The following ZNF514 variants were observed in gnomAD, a reference collection of about 807,000 sequenced individuals.
ZNF514 encodes the protein zinc finger protein 514.
In ZNF514, 12 loss-of-function variants were observed where a neutral mutation model predicts 9.7. The ratio of observed to expected loss-of-function variants is 1.24; its 90% CI spans 0.79 to 2.01. The LOEUF (loss-of-function observed/expected upper bound fraction) is 2.01. Among genes scored for constraint, ZNF514 ranks in the 30% most tolerant of loss-of-function variants. ZNF514 has a pLI of 0.00. For missense variants in ZNF514, 467 were observed against 465.5 expected (o/e 1.00, Z -0.03); for synonymous variants, 158 against 163.7 (o/e 0.97, Z 0.27).
intron 4 of ZNF514, 21 bp downstream of exon 4, chr2:95,152,653 T>C (rs1673574515): frequency 6.2e-7 from 1 of 1,607,424 alleles, no homozygotes; most frequent in South Asian, 1.1e-5. Flanking sequence ...TCATATGCAA[T>C]GCTTTCACTC....
the ZNF514 span, among the ~76,000 whole-genome samples, chr2:95,136,982 CAAAG>C: frequency 3.2e-4 from 49 of 152,218 alleles, no homozygotes; most frequent in African/African-American, 1.1e-3. Flanking sequence ...ACTCTAAAAA[CAAAG>C]AGTGTTTCCT....
chr2:95,153,064 C>T, intron 3 of ZNF514, 69 bp downstream of exon 3: 2 of 1,562,586 alleles, frequency 1.3e-6, no homozygotes, highest in Non-Finnish European at 1.7e-6. Context: ...AGCCCAGACA[C>T]CACTAGCTCT....
chr2:95,136,832 C>A, the ZNF514 span, among the ~76,000 whole-genome samples: 1 of 152,118 alleles, frequency 6.6e-6, no homozygotes, highest in Non-Finnish European at 1.5e-5. Flanking sequence ...AGAATATAGT[C>A]CCCTATCTGA....
Position 95,153,190 on chromosome 2 carries a change from G to A in ZNF514, c.64C>T (p.Gln22Ter), listed in dbSNP as rs200801401. Residue 22 changes from glutamine to a stop codon, truncating the protein, a stop_gained, in exon 3 of 5, where the codon CAG (glutamine) becomes TAG (stop). Coordinates refer to ENST00000295208, the MANE Select transcript of ZNF514 (RefSeq NM_032788.3). LOFTEE classifies it high-confidence loss of function. ...ATCACCTCCCTGTAGAGGTCCTTCTGAGCAGGGTTCAGCTGCCCCCACTCC... is the reference window on the plus strand; with the variant it reads ...ATCACCTCCCTGTAGAGGTCCTTCTAAGCAGGGTTCAGCTGCCCCCACTCC... ...QWEWGQLNPAQKDLYREVMLE... is the reference protein window; with the variant it reads ...QWEWGQLNPA The A allele has an allele frequency of 1.1e-5, 17 of 1,614,056 alleles. No individual in the cohort carries two copies. Among genetic ancestry groups the A allele is most frequent in the African/African-American group, 1.3e-5 (1 of 75,026 alleles).
At chr2:95,138,997 A>C in the ZNF514 span, among the ~76,000 whole-genome samples, 1 of 152,240 alleles carries the variant, frequency 6.6e-6, no homozygotes, top group Non-Finnish European at 1.5e-5. Flanking sequence ...GCTGGGGTTC[A>C]AAGGGGCTCA....
At chr2:95,138,505 T>G in the ZNF514 span, among the ~76,000 whole-genome samples, 7 of 152,192 alleles carry the variant, frequency 4.6e-5, no homozygotes, top group Non-Finnish European at 1.0e-4. Context: ...GCCCTAGGGA[T>G]CTGTGGAAGT....
At chr2:95,127,309 C>CA in the ZNF514 span, among the ~76,000 whole-genome samples, 11 of 152,202 alleles carry the variant, frequency 7.2e-5, no homozygotes, top group Admixed American at 7.2e-4. Flanking sequence ...TGATTCAAGT[C>CA]AGACTTCTGT....
chr2:95,143,871 T>G (rs114749066), downstream of ZNF514, among the ~76,000 whole-genome samples: 6 of 152,324 alleles, frequency 3.9e-5, no homozygotes, highest in Non-Finnish European at 5.9e-5. Flanking sequence ...CTTAGTTAAA[T>G]AAATTAAAGT....
At chr2:95,156,194 A>G (rs558387230) in intron 2 of ZNF514, among the ~76,000 whole-genome samples, 68 of 152,320 alleles carry the variant, frequency 4.5e-4, no homozygotes, top group Middle Eastern at 3.4e-3. Context: ...GTTAAATGTC[A>G]GTGTCTATCA....
At chr2:95,127,399 C>T in the ZNF514 span, among the ~76,000 whole-genome samples, 4 of 152,132 alleles carry the variant, frequency 2.6e-5, no homozygotes, top group African/African-American at 7.2e-5. Flanking sequence ...TTTCCAGAAA[C>T]ACCAAAGGTC....
chr2:95,128,486 G>A, the ZNF514 span, among the ~76,000 whole-genome samples: 1 of 152,040 alleles, frequency 6.6e-6, no homozygotes, highest in African/African-American at 2.4e-5. Context: ...AACCCAGGAG[G>A]CGGAGGTTGC....
chr2:95,149,412 G>A lies in ZNF514; in HGVS notation c.1073C>T (p.Ser358Phe), dbSNP rs781653941. 17 of 1,614,040 alleles carry A rather than the reference G, an allele frequency of 1.1e-5. No individual in the cohort carries two copies. The South Asian group carries it at 1.9e-4, about 18-fold the overall frequency. ...KCGRAFSQSSSLTQHYRFHTG... is the reference protein window; with the variant it reads ...KCGRAFSQSSFLTQHYRFHTG... Reference sequence around the variant, plus strand: ...GTGAAATCTGTAATGTTGAGTGAGAGATGAACTCTGGCTGAAGGCTCTCCC... The same window carrying A: ...GTGAAATCTGTAATGTTGAGTGAGAAATGAACTCTGGCTGAAGGCTCTCCC... Residue 358 changes from serine to phenylalanine, a missense_variant, in exon 5 of 5, where the codon TCT becomes TTT. Physicochemically the swap from Ser to Phe is radical, Grantham distance 155. Transcript: ENST00000295208.
chr2:95,128,458 A>G, the ZNF514 span, among the ~76,000 whole-genome samples: 3 of 151,106 alleles, frequency 2.0e-5, no homozygotes, highest in African/African-American at 7.3e-5. Context: ...TTGAGAGCTG[A>G]GGCAGGAGAA....
the ZNF514 span, among the ~76,000 whole-genome samples, chr2:95,135,275 G>A: frequency 2.0e-5 from 3 of 151,942 alleles, no homozygotes; most frequent in Non-Finnish European, 4.4e-5. Context: ...TTTCAACAGT[G>A]TCATGTAGCT....
chr2:95,141,536 G>C (rs1573370526), downstream of ZNF514, among the ~76,000 whole-genome samples: 1 of 151,998 alleles, frequency 6.6e-6, no homozygotes, highest in African/African-American at 2.4e-5. Flanking sequence ...GGAAAAATAG[G>C]GTAAAGGACT....
At chr2:95,134,527 T>C in the ZNF514 span, among the ~76,000 whole-genome samples, 1 of 152,302 alleles carries the variant, frequency 6.6e-6, no homozygotes, top group East Asian at 1.9e-4. Flanking sequence ...TGGTGGGTTT[T>C]AGTATATTCA....
At chr2:95,127,625 G>A in the ZNF514 span, among the ~76,000 whole-genome samples, 1 of 151,828 alleles carries the variant, frequency 6.6e-6, no homozygotes, top group Non-Finnish European at 1.5e-5. Context: ...TGTGTTTTGT[G>A]TTGTTTTTTG....
At chr2:95,129,463 G>A in the ZNF514 span, among the ~76,000 whole-genome samples, 6 of 152,072 alleles carry the variant, frequency 3.9e-5, no homozygotes, top group Admixed American at 2.0e-4. Context: ...GTGGTGTCTC[G>A]CTGGGAAAGG....
rs1424987715 is a variant in ZNF514, at chr2:95,157,348, C to T, written c.-7+3G>A. ...TTGAGGAAAAATTAAGAATACAACT[C>T]ACCCGAGGCCTGGCTTTCAGGAATG... On this transcript the variant is annotated splice_donor_region_variant and intron_variant, in intron 2 of 4. Transcript: ENST00000295208. 1 of 1,289,162 alleles carries T rather than the reference C, an allele frequency of 7.8e-7. No individual in the cohort carries two copies. The highest frequency in any genetic ancestry group is 1.5e-5 in the African/African-American group (1 of 65,952). 79.9% of individuals were successfully genotyped at this position (1,289,162 alleles called of 1,614,324 possible).
Sources: allele counts gnomAD v4.1 joint callset (sites outside exome capture counted in the v4.1 genomes callset), GRCh38; gene constraint gnomAD v4.1.1; transcripts MANE v1.5; gene names NCBI Gene and HGNC (gene_info 2026-07-23, HGNC 2026-07-21).